NPAS3: variants seen among roughly 807,000 people sequenced by gnomAD.
NPAS3 encodes neuronal PAS domain protein 3.
NPAS3 carries 14 observed loss-of-function variants against 73.1 expected under a neutral mutation model. The observed-to-expected ratio is 0.19, with a 90% CI of 0.13 to 0.30. NPAS3 has a LOEUF of 0.30. NPAS3 is among the 10% of genes least tolerant of loss of function. The probability of loss-of-function intolerance (pLI) is 1.00; values close to 1 mark genes in which losing one functional copy is unlikely to be tolerated. For missense variants in NPAS3, 1,096 were observed against 1,250.0 expected (o/e 0.88, Z 1.86); for synonymous variants, 620 against 541.5 (o/e 1.14, Z -2.01).
chr14:33,107,594 A>G (rs970753850), intron 2 of NPAS3, among the ~76,000 whole-genome samples: 2 of 152,250 alleles, frequency 1.3e-5, no homozygotes, highest in Non-Finnish European at 1.5e-5. Flanking sequence ...ATTTTATTCT[A>G]TTTTATGGCT....
rs772729739 is a variant in NPAS3, at chr14:33,326,434, C to T, written c.386-40752C>T. On this transcript the variant is annotated intron_variant, in intron 3 of 11. Transcript: ENST00000356141. ...TATTTTTATACTTTAGCTCTGTCAA[C>T]TTCGGCAAGTTAGAAAGTCTTTCTA... Among the ~76,000 whole-genome samples, 60 of 152,302 alleles carry T rather than the reference C, an allele frequency of 3.9e-4. 1 individual carries two copies. In the Middle Eastern group the frequency reaches 0.034, roughly 86 times the overall value.
intron 2 of NPAS3, among the ~76,000 whole-genome samples, chr14:33,180,956 A>C (rs1417717624): frequency 1.3e-5 from 2 of 152,148 alleles, no homozygotes; most frequent in Admixed American, 6.6e-5. Context: ...TCCATCATAA[A>C]GAAATGTTGT....
intron 4 of NPAS3, among the ~76,000 whole-genome samples, chr14:33,556,251 G>C (rs1487425489): frequency 5.9e-5 from 9 of 152,194 alleles, no homozygotes; most frequent in African/African-American, 2.2e-4. Context: ...TAGTGAGGAA[G>C]TAAAGGATAT....
In NPAS3 at chr14:33,769,416, G is replaced by A. The variant is rs531609032; in HGVS notation, c.853-4921G>A. Among the ~76,000 whole-genome samples the A allele has an allele frequency of 2.6e-4, 39 of 152,220 alleles. 1 individual carries two copies. The South Asian group carries it at 7.7e-3, about 30-fold the overall frequency. Reference sequence around the variant, plus strand: ...ACCATTTACCATTTAGTCTATTGTCGTCATCGTCCTGTGGGACAGGCACAA... The same window carrying A: ...ACCATTTACCATTTAGTCTATTGTCATCATCGTCCTGTGGGACAGGCACAA... On this transcript the variant is annotated intron_variant, in intron 7 of 11. Transcript: ENST00000356141.
chr14:33,186,781 G>T (rs2045991954), intron 2 of NPAS3, among the ~76,000 whole-genome samples: 2 of 152,096 alleles, frequency 1.3e-5, no homozygotes, highest in African/African-American at 4.8e-5. Flanking sequence ...CTCCTGTTCT[G>T]CAACTCCCCT....
chr14:33,710,505 T>G (rs1034436820), intron 6 of NPAS3, among the ~76,000 whole-genome samples: 1 of 152,196 alleles, frequency 6.6e-6, no homozygotes, highest in Non-Finnish European at 1.5e-5. Flanking sequence ...TCTCACTCTA[T>G]TAAGCCGAGG....
chr14:33,015,210 T>C (rs1157508446), intron 1 of NPAS3, among the ~76,000 whole-genome samples: 1 of 152,236 alleles, frequency 6.6e-6, no homozygotes, highest in Non-Finnish European at 1.5e-5. Flanking sequence ...TTCTGGATTC[T>C]AACTTACAAG....
intron 2 of NPAS3, among the ~76,000 whole-genome samples, chr14:33,069,183 T>C (rs771456350): frequency 7.9e-5 from 12 of 152,202 alleles, no homozygotes; most frequent in Admixed American, 2.0e-4. Context: ...AAGTCGATAT[T>C]GAATCCAAGA....
chr14:33,602,671 T>C (rs930403107), intron 5 of NPAS3, among the ~76,000 whole-genome samples: 1 of 152,086 alleles, frequency 6.6e-6, no homozygotes, highest in Admixed American at 6.5e-5. Flanking sequence ...GGTTTGTTGG[T>C]GGTGGTGGTG....
intron 5 of NPAS3, among the ~76,000 whole-genome samples, chr14:33,672,962 T>C (rs1490475940): frequency 6.6e-6 from 1 of 152,240 alleles, no homozygotes; most frequent in African/African-American, 2.4e-5. Flanking sequence ...TAGATACATG[T>C]AAGATGTGAT....
chr14:33,136,821 G>C (rs748087392), intron 2 of NPAS3, among the ~76,000 whole-genome samples: 3 of 152,234 alleles, frequency 2.0e-5, no homozygotes, highest in Non-Finnish European at 4.4e-5. Context: ...CTGTTACAAA[G>C]ATGATGGGAG....
intron 6 of NPAS3, among the ~76,000 whole-genome samples, chr14:33,685,945 G>A (rs2060076419): frequency 6.6e-6 from 1 of 152,190 alleles, no homozygotes; most frequent in African/African-American, 2.4e-5. Flanking sequence ...ATAGAGAACA[G>A]GAGAGGTAGA....
chr14:33,011,491 A>AGGTTTT (rs1188492249), intron 1 of NPAS3, among the ~76,000 whole-genome samples: 1 of 152,132 alleles, frequency 6.6e-6, no homozygotes, highest in Non-Finnish European at 1.5e-5. Context: ...GAGAAAACCC[A>AGGTTTT]CAGAGACTTG....
intron 3 of NPAS3, among the ~76,000 whole-genome samples, chr14:33,246,652 A>C (rs907509222): frequency 1.3e-5 from 2 of 151,362 alleles, no homozygotes; most frequent in Non-Finnish European, 2.9e-5. Context: ...ACAAAGTTCT[A>C]GTCTTTGGAA....
chr14:33,721,401 G>GA (rs2061106611), intron 6 of NPAS3, among the ~76,000 whole-genome samples: 1 of 152,142 alleles, frequency 6.6e-6, no homozygotes, highest in Non-Finnish European at 1.5e-5. Context: ...TTCAGCTTTA[G>GA]ATATGGGCTA....
chr14:33,192,842 T>C (rs969280469), intron 2 of NPAS3, among the ~76,000 whole-genome samples: 1 of 152,220 alleles, frequency 6.6e-6, no homozygotes, highest in Non-Finnish European at 1.5e-5. Context: ...TGAAATCTTA[T>C]CTAAAGTTTT....
At chr14:33,692,052 G>C (rs150879019) in intron 6 of NPAS3, among the ~76,000 whole-genome samples, 4 of 152,258 alleles carry the variant, frequency 2.6e-5, no homozygotes, top group East Asian at 1.9e-4. Context: ...AATCCAGACT[G>C]ACAAGAAATA....
At chr14:33,263,469 A>G (rs2049050004) in intron 3 of NPAS3, among the ~76,000 whole-genome samples, 2 of 152,014 alleles carry the variant, frequency 1.3e-5, no homozygotes, top group South Asian at 4.1e-4. Flanking sequence ...GTTCTGTTCT[A>G]TTGGTCTATA....
Position 33,360,983 on chromosome 14 carries a change from T to C in NPAS3, c.386-6203T>C, listed in dbSNP as rs760989164. 4.7e-4 allele frequency among the ~76,000 whole-genome samples: 71 copies of C among 152,262 alleles called. 1 individual carries two copies. Among genetic ancestry groups the C allele is most frequent in the Middle Eastern group, 3.4e-3 (1 of 294 alleles). On this transcript the variant is annotated intron_variant, in intron 3 of 11. Transcript: ENST00000356141. ...AGCTTAACCCACTGCCTTAAGGGTT[T>C]CATTGTCAAGGGGAAGTGTGGGTTC...
Sources: gnomAD v4.1 joint callset for allele counts (sites outside exome capture counted in the v4.1 genomes callset) on GRCh38, gnomAD v4.1.1 for gene constraint, MANE v1.5 for transcripts, NCBI Gene and HGNC (gene_info 2026-07-23, HGNC 2026-07-21) for gene names.